ADAM7: variants seen among roughly 807,000 people sequenced by gnomAD.
ADAM7 encodes disintegrin and metalloproteinase domain-containing protein 7.
A neutral mutation model predicts 102.9 loss-of-function variants in ADAM7; 97 were observed. The observed-to-expected ratio is 0.94, with a 90% CI of 0.80 to 1.12. The LOEUF (loss-of-function observed/expected upper bound fraction) is 1.12, where lower values mean the gene tolerates loss of function less well. ADAM7 is among the 50% of genes most tolerant of loss of function. The pLI is 0.00. For synonymous variants in ADAM7, 334 were observed against 304.4 expected, an observed-to-expected ratio of 1.10 and a Z score of -1.01; for missense variants, 991 against 908.7, an observed-to-expected ratio of 1.09 and a Z score of -1.16.
intron 21 of ADAM7, among the ~76,000 whole-genome samples, chr8:24,508,304 GC>G (rs1318549249): frequency 1.3e-5 from 2 of 152,082 alleles, no homozygotes; most frequent in African/African-American, 4.8e-5. Context: ...CTTAGTGCCA[GC>G]AAACTGTTTG....
At chr8:24,467,759 G>A (rs1819477040) in intron 6 of ADAM7, 1 of 152,184 alleles carries the variant, frequency 6.6e-6, no homozygotes, top group South Asian at 2.1e-4. Flanking sequence ...TCCTGGTATT[G>A]GTGTTTTATA....
chr8:24,451,911 A>C (rs899861851), intron 3 of ADAM7, among the ~76,000 whole-genome samples: 2 of 150,660 alleles, frequency 1.3e-5, no homozygotes, highest in African/African-American at 4.9e-5. Flanking sequence ...TTATGTACCC[A>C]GTAGTCATTC....
chr8:24,441,409 C>A (rs1818369134), intron 1 of ADAM7, among the ~76,000 whole-genome samples: 1 of 152,196 alleles, frequency 6.6e-6, no homozygotes, highest in Non-Finnish European at 1.5e-5. Flanking sequence ...GCATGGCAGG[C>A]ACTGTGCTGG....
chr8:24,491,752 A>G (rs927516727), intron 13 of ADAM7, 151 bp from the exon 14 acceptor site: 13 of 584,018 alleles, frequency 2.2e-5, no homozygotes, highest in Middle Eastern at 6.6e-4. Flanking sequence ...ACACATTGAC[A>G]AATGACAATG....
intron 3 of ADAM7, 30 bp downstream of exon 3, chr8:24,447,292 T>C (rs372678859): frequency 3.5e-5 from 44 of 1,274,704 alleles, no homozygotes; most frequent in East Asian, 1.9e-4. Flanking sequence ...CAGTACCTTA[T>C]AGATTTTAGT....
intron 2 of ADAM7, among the ~76,000 whole-genome samples, chr8:24,443,852 T>C (rs552336310): frequency 6.2e-4 from 95 of 152,128 alleles, no homozygotes; most frequent in African/African-American, 2.2e-3. Flanking sequence ...GTGAATCGCT[T>C]GAACCCAGGA....
chr8:24,485,343 T>C lies in ADAM7; in HGVS notation c.942T>C (p.Tyr314=). ...CAGGGGGTATGTGCCTGCCCTATTA[T>C]TCCACCAGTATCATTAAGGTGGGCT... ...SYPGGMCLPY[Y]STSIIKDLLP... is the part of the protein sequence containing the mutation. Residue 314 remains tyrosine (Y), a synonymous_variant, in exon 10 of 22, where the codon TAT becomes TAC. Coordinates refer to ENST00000175238, the MANE Select transcript of ADAM7 (RefSeq NM_003817.4). 1 of 1,613,658 alleles carries C rather than the reference T, an allele frequency of 6.2e-7. No individual in the cohort carries two copies. Among genetic ancestry groups the C allele is most frequent in the Non-Finnish European group, 8.5e-7 (1 of 1,179,752 alleles).
chr8:24,444,433 A>G (rs1247085321), intron 2 of ADAM7, among the ~76,000 whole-genome samples: 1 of 152,032 alleles, frequency 6.6e-6, no homozygotes, highest in Non-Finnish European at 1.5e-5. Context: ...AGGAAGTACC[A>G]TACTGAAGGG....
At chr8:24,445,574 T>A (rs111554844) in intron 2 of ADAM7, among the ~76,000 whole-genome samples, 4,456 of 152,326 alleles carry the variant, frequency 0.029, 102 homozygotes, top group Non-Finnish European at 0.044. Flanking sequence ...CTTACTCCTC[T>A]GCTCAAATCA....
chr8:24,482,078 T>C (rs921135743), intron 8 of ADAM7, 64 bp from the exon 9 acceptor site: 41 of 1,174,548 alleles, frequency 3.5e-5, no homozygotes, highest in Non-Finnish European at 4.7e-5. Flanking sequence ...TAAAGGAATA[T>C]AGTAATATTG....
intron 3 of ADAM7, among the ~76,000 whole-genome samples, chr8:24,456,455 C>T (rs1018778615): frequency 1.3e-5 from 2 of 152,082 alleles, no homozygotes; most frequent in Non-Finnish European, 2.9e-5. Context: ...GACATCTTTC[C>T]CACATAGTGA....
At chr8:24,450,626 T>A (rs1352313961) in intron 3 of ADAM7, among the ~76,000 whole-genome samples, 2 of 152,130 alleles carry the variant, frequency 1.3e-5, no homozygotes, top group African/African-American at 2.4e-5. Flanking sequence ...TCTTTCCTAA[T>A]TGAATACCCT....
In ADAM7 at chr8:24,441,029, C is replaced by A. The variant is rs564780683; in HGVS notation, c.-80C>A. On this transcript the variant is annotated 5_prime_UTR_variant, in exon 1 of 22. Transcript: ENST00000175238. ...CCACCTATCTGTGAGGTGCTTCATC[C>A]CTGCAGTGGAAGTGAGGAGGAAGAA... is the stretch of plus-strand genomic sequence containing the variant. 1.2e-4 allele frequency: 165 copies of A among 1,342,052 alleles called. 2 individuals are homozygous for A. In the African/African-American group the frequency reaches 1.9e-3, roughly 16 times the overall value. 83.1% of individuals were successfully genotyped at this position (1,342,052 alleles called of 1,614,324 possible). A position where few individuals can be genotyped will look rare whatever the true frequency, so the allele number is the denominator to read the frequency against.
chr8:24,508,491 T>A, intron 21 of ADAM7, 55 bp from the exon 22 acceptor site: 1 of 1,557,800 alleles, frequency 6.4e-7, no homozygotes, highest in Non-Finnish European at 8.9e-7. Flanking sequence ...TGGAAATACA[T>A]GGTTCACAGA....
intron 9 of ADAM7, among the ~76,000 whole-genome samples, chr8:24,484,954 C>T (rs943666291): frequency 1.3e-5 from 2 of 151,774 alleles, no homozygotes; most frequent in African/African-American, 4.8e-5. Context: ...TACAGGTGTG[C>T]ACCACCATGC....
chr8:24,492,286 G>C lies in ADAM7; in HGVS notation c.1552+188G>C, dbSNP rs1820386647. 4.4e-6 allele frequency: 3 copies of C among 682,826 alleles called. No homozygotes were observed. In the East Asian group the frequency reaches 8.3e-5, roughly 19 times the overall value. The allele number at this position is 682,826 out of a possible 1,614,324, so 42.3% of individuals were successfully genotyped here. A position where few individuals can be genotyped will look rare whatever the true frequency, so the allele number is the denominator to read the frequency against. On this transcript the variant is annotated intron_variant, in intron 14 of 21. Transcript: ENST00000175238. ...CTTACGTCTAATATTAACTATCTCA[G>C]TATATGAGCTATGTATATTTGTTAC...
At chr8:24,477,415 A>G (rs1819801271) in intron 8 of ADAM7, among the ~76,000 whole-genome samples, 1 of 152,132 alleles carries the variant, frequency 6.6e-6, no homozygotes, top group Non-Finnish European at 1.5e-5. Context: ...TATGTATTTA[A>G]TAATTTATTT....
In ADAM7 at chr8:24,479,493, C is replaced by T. The variant is rs148686059; in HGVS notation, c.706-2649C>T. On this transcript the variant is annotated intron_variant, in intron 8 of 21. Coordinates refer to ENST00000175238, the MANE Select transcript of ADAM7 (RefSeq NM_003817.4). Reference sequence around the variant, plus strand: ...CTTTTGTTCCTTGAGGGAAAGAGTTCGGTAGATTTTATAATTTTTTGCAAA... The same window carrying T: ...CTTTTGTTCCTTGAGGGAAAGAGTTTGGTAGATTTTATAATTTTTTGCAAA... Among the ~76,000 whole-genome samples the T allele has an allele frequency of 3.4e-3, 521 of 152,036 alleles. 2 individuals carry two copies. The highest frequency in any genetic ancestry group is 0.012 in the African/African-American group (501 of 41,486).
intron 3 of ADAM7, among the ~76,000 whole-genome samples, chr8:24,449,028 A>C (rs1818674788): frequency 6.6e-6 from 1 of 152,200 alleles, no homozygotes; most frequent in African/African-American, 2.4e-5. Flanking sequence ...TATATGTGCC[A>C]CATTTTCTTA....
Sources: gnomAD v4.1 joint callset for allele counts (sites outside exome capture counted in the v4.1 genomes callset) on GRCh38, gnomAD v4.1.1 for gene constraint, MANE v1.5 for transcripts, NCBI Gene and HGNC (gene_info 2026-07-23, HGNC 2026-07-21) for gene names.